ERGIC2: variants seen among roughly 807,000 people sequenced by gnomAD.
The protein encoded by ERGIC2 is ERGIC and golgi 2.
Under a neutral mutation model 52.5 loss-of-function variants are expected in ERGIC2, and 31 were observed. The observed-to-expected ratio is 0.59, with a 90% CI of 0.44 to 0.80. ERGIC2 has a LOEUF of 0.80. Ranked by LOEUF, ERGIC2 falls within the 30% of genes least tolerant of loss-of-function variation. The pLI is 0.00. For synonymous variants in ERGIC2, 129 were observed against 140.6 expected (o/e 0.92, Z 0.58); for missense variants, 395 against 455.2 (o/e 0.87, Z 1.20).
intron 3 of ERGIC2, among the ~76,000 whole-genome samples, chr12:29,368,880 CCAAACTACCAAAAGTAAAT>C (rs1474143961): frequency 6.6e-6 from 1 of 151,862 alleles, no homozygotes; most frequent in Admixed American, 6.6e-5. Context: ...ATAAATGCAA[CCAAACTACCAAAAGTAAAT>C]CACCTGATGC....
chr12:29,376,897 TC>T (rs1351427867), intron 1 of ERGIC2, among the ~76,000 whole-genome samples: 20 of 149,684 alleles, frequency 1.3e-4, no homozygotes, highest in Non-Finnish European at 2.1e-4. Context: ...TTAAAATGTG[TC>T]CTTTATTCTG....
intron 11 of ERGIC2, 84 bp from the exon 12 acceptor site, chr12:29,343,366 A>G (rs1333010638): frequency 2.7e-6 from 3 of 1,095,156 alleles, no homozygotes; most frequent in South Asian, 1.9e-5. Context: ...CATACATTCA[A>G]TATTAAGCCC....
chr12:29,339,041 A>T lies in ERGIC2; in HGVS notation c.*2115T>A, dbSNP rs1192103210. ...CCTAACAAATCCTAATATGCAGGTA[A>T]ACTTCATCGTCCAAAGGGCTGATCG... On this transcript the variant is annotated 3_prime_UTR_variant, in exon 14 of 14. Transcript: ENST00000360150. 2.0e-5 allele frequency: 3 copies of T among 152,174 alleles called. No individual in the cohort carries two copies. Among genetic ancestry groups the T allele is most frequent in the Non-Finnish European group, 4.4e-5 (3 of 68,018 alleles). 9.4% of individuals were successfully genotyped at this position (152,174 alleles called of 1,614,324 possible).
In ERGIC2 at chr12:29,366,905, G is replaced by A. The variant is rs1433541398; in HGVS notation, c.305C>T (p.Ala102Val). The change falls in exon 5 of 14, where the codon GCA becomes GTA. Residue 102 changes from alanine (A) to valine (V), a missense_variant. Ala to Val is a moderately conservative substitution (Grantham distance 64). Coordinates refer to ENST00000360150, the MANE Select transcript of ERGIC2 (RefSeq NM_016570.3). ...TTCATAAACTAAACCATCTGCAGAT[G>A]CAACCATTGTTTCTGCTAAATCCAA... is the stretch of plus-strand genomic sequence containing the variant. ...DVLDLAETMV[A>V]SADGLVYEPT... The A allele has an allele frequency of 1.9e-6, 3 of 1,603,778 alleles. No individual in the cohort carries two copies. Among genetic ancestry groups the A allele is most frequent in the African/African-American group, 1.3e-5 (1 of 74,614 alleles).
At chr12:29,373,846 C>A (rs1231430281) in intron 1 of ERGIC2, among the ~76,000 whole-genome samples, 1 of 152,144 alleles carries the variant, frequency 6.6e-6, no homozygotes, top group Admixed American at 6.5e-5. Flanking sequence ...CTGGTATTCC[C>A]ATCGATAAAT....
At chr12:29,367,082 A>G in intron 4 of ERGIC2, 135 bp from the exon 5 acceptor site, 1 of 462,346 alleles carries the variant, frequency 2.2e-6, no homozygotes, top group Non-Finnish European at 3.8e-6. Context: ...ACTATGTAGA[A>G]TAATTTCCGA....
chr12:29,366,907 A>G lies in ERGIC2; in HGVS notation c.303T>C (p.Val101=). 7 of 1,604,788 alleles carry G rather than the reference A, an allele frequency of 4.4e-6. No individual in the cohort carries two copies. The highest frequency in any genetic ancestry group is 6.0e-6 in the Non-Finnish European group (7 of 1,174,972). The part of the protein sequence containing the change: ...ADVLDLAETM[V]ASADGLVYEP... ...CATAAACTAAACCATCTGCAGATGC[A>G]ACCATTGTTTCTGCTAAATCCAATA... The change falls in exon 5 of 14, where the codon GTT becomes GTC. Residue 101 remains valine (V), a synonymous_variant. Coordinates refer to ENST00000360150, the MANE Select transcript of ERGIC2 (RefSeq NM_016570.3).
chr12:29,369,869 TC>T (rs1407304913), intron 3 of ERGIC2, among the ~76,000 whole-genome samples: 1 of 151,886 alleles, frequency 6.6e-6, no homozygotes, highest in Non-Finnish European at 1.5e-5. Flanking sequence ...GGAAAAATAT[TC>T]CCCTAACTTT....
At chr12:29,362,022 A>T (rs1460388205) in intron 5 of ERGIC2, among the ~76,000 whole-genome samples, 1 of 152,188 alleles carries the variant, frequency 6.6e-6, no homozygotes, top group Non-Finnish European at 1.5e-5. Flanking sequence ...ATTCACAAGT[A>T]TTAGGGTACA....
chr12:29,380,912 C>T (rs1229796883), intron 1 of ERGIC2: 1 of 152,286 alleles, frequency 6.6e-6, no homozygotes, highest in Non-Finnish European at 1.5e-5. Flanking sequence ...GGGAAGCTCC[C>T]AGTAGCATCG....
chr12:29,346,955 G>T (rs896673445), intron 10 of ERGIC2, among the ~76,000 whole-genome samples: 1 of 152,162 alleles, frequency 6.6e-6, no homozygotes, highest in Non-Finnish European at 1.5e-5. Context: ...CAAGTACAGG[G>T]ATGTTAAGAA....
chr12:29,351,139 T>C (rs1222661182), intron 8 of ERGIC2, among the ~76,000 whole-genome samples: 2 of 152,074 alleles, frequency 1.3e-5, no homozygotes, highest in East Asian at 1.9e-4. Context: ...ATTCAGTTTT[T>C]ATATCTGACA....
At chr12:29,359,931 A>G (rs1308752741) in intron 6 of ERGIC2, among the ~76,000 whole-genome samples, 1 of 152,078 alleles carries the variant, frequency 6.6e-6, no homozygotes, top group Non-Finnish European at 1.5e-5. Flanking sequence ...TTCTTCTAAG[A>G]AAACTAACCA....
chr12:29,371,752 T>C, intron 1 of ERGIC2, 82 bp from the exon 2 acceptor site: 1 of 651,466 alleles, frequency 1.5e-6, no homozygotes, highest in Non-Finnish European at 2.6e-6. Flanking sequence ...AACTGACAAA[T>C]GTCCTTAAAA....
At chr12:29,367,045 AG>A in intron 4 of ERGIC2, 98 bp from the exon 5 acceptor site, 48 of 486,600 alleles carry the variant, frequency 9.9e-5, no homozygotes, top group East Asian at 1.4e-4. Flanking sequence ...AAACTCACCA[AG>A]CAAAAAAAAA....
chr12:29,378,313 T>C (rs1940541731), intron 1 of ERGIC2, among the ~76,000 whole-genome samples: 1 of 152,166 alleles, frequency 6.6e-6, no homozygotes, highest in Non-Finnish European at 1.5e-5. Context: ...CCTAGAGTCT[T>C]CAAGTCTTGC....
At chr12:29,358,509 G>A (rs1420322194) in intron 6 of ERGIC2, among the ~76,000 whole-genome samples, 2 of 152,060 alleles carry the variant, frequency 1.3e-5, no homozygotes, top group Admixed American at 6.6e-5. Context: ...TCAACACCAA[G>A]AACGAACTCT....
intron 6 of ERGIC2, among the ~76,000 whole-genome samples, chr12:29,359,008 A>C (rs1267458745): frequency 6.6e-6 from 1 of 152,098 alleles, no homozygotes; most frequent in Non-Finnish European, 1.5e-5. Context: ...TGTGATCCTA[A>C]ATATTTTAGG....
chr12:29,343,847 A>T (rs1949857596), intron 11 of ERGIC2, among the ~76,000 whole-genome samples: 1 of 152,190 alleles, frequency 6.6e-6, no homozygotes, highest in East Asian at 1.9e-4. Context: ...GGATCAGGGC[A>T]TATACATAAT....
Sources: gnomAD v4.1 joint callset for allele counts (sites outside exome capture counted in the v4.1 genomes callset) on GRCh38, gnomAD v4.1.1 for gene constraint, MANE v1.5 for transcripts, NCBI Gene and HGNC (gene_info 2026-07-23, HGNC 2026-07-21) for gene names.